CAPN9: variants seen among roughly 807,000 people sequenced by gnomAD.
CAPN9 encodes the protein calpain 9, also known as calpain-9.
CAPN9 carries 81 observed loss-of-function variants against 92.8 expected under a neutral mutation model. The ratio of observed to expected loss-of-function variants is 0.87; its 90% CI spans 0.73 to 1.05. The LOEUF is 1.05. Among genes scored for constraint, CAPN9 ranks in the 50% least tolerant of loss-of-function variants. The pLI is 0.00. For missense variants in CAPN9, 848 were observed against 866.2 expected, an observed-to-expected ratio of 0.98 and a Z score of 0.26; for synonymous variants, 304 against 328.0, an observed-to-expected ratio of 0.93 and a Z score of 0.79.
At chr1:230,786,905 G>A (rs554996029) in intron 12 of CAPN9, among the ~76,000 whole-genome samples, 17 of 151,670 alleles carry the variant, frequency 1.1e-4, no homozygotes, top group Admixed American at 3.9e-4. Flanking sequence ...CTTTACCCTC[G>A]TCCAAGGGCT....
At chr1:230,796,965 A>C (rs1011021041) in intron 18 of CAPN9, among the ~76,000 whole-genome samples, 1 of 152,178 alleles carries the variant, frequency 6.6e-6, no homozygotes, top group African/African-American at 2.4e-5. Context: ...CTGCAGTATT[A>C]TTTTAACTTT....
At chr1:230,748,829 C>T (rs150247044) in intron 1 of CAPN9, among the ~76,000 whole-genome samples, 32 of 152,154 alleles carry the variant, frequency 2.1e-4, no homozygotes, top group African/African-American at 6.7e-4. Context: ...TTTTTTTTAA[C>T]GCACATTCAC....
intron 19 of CAPN9, among the ~76,000 whole-genome samples, chr1:230,800,468 G>A (rs1668662179): frequency 6.6e-6 from 1 of 152,138 alleles, no homozygotes; most frequent in Admixed American, 6.5e-5. Flanking sequence ...CCCCTGGCTA[G>A]TCAAAGGCTC....
intron 11 of CAPN9, 69 bp from the exon 12 acceptor site, chr1:230,785,912 C>A: frequency 6.8e-7 from 1 of 1,461,850 alleles, no homozygotes; most frequent in Non-Finnish European, 9.6e-7. Context: ...GCTCTGGGCT[C>A]TTCAGCTCTG....
chr1:230,779,092 G>T lies in CAPN9; in HGVS notation c.1073G>T (p.Trp358Leu), dbSNP rs750599570. The change falls in exon 9 of 20, where the codon TGG (tryptophan) becomes TTG (leucine). Residue 358 changes from tryptophan to leucine, a missense_variant. By Grantham distance (61) the Trp-to-Leu change is moderately conservative. Transcript: ENST00000271971. ...KWEVTVHQGS[W>L]VRGSTAGGCR... ...GAGGTGACGGTCCATCAGGGAAGCTGGGTTCGCGGCTCCACGGCTGGGGGC... is the reference window on the plus strand; with the variant it reads ...GAGGTGACGGTCCATCAGGGAAGCTTGGTTCGCGGCTCCACGGCTGGGGGC... 6.2e-7 allele frequency: 1 copy of T among 1,613,002 alleles called. No individual in the cohort carries two copies. The highest frequency in any genetic ancestry group is 2.2e-5 in the East Asian group (1 of 44,866).
chr1:230,751,672 AAAGAAAGAAAGAAGG>A (rs1558080328), intron 1 of CAPN9, among the ~76,000 whole-genome samples: 42 of 43,588 alleles, frequency 9.6e-4, no homozygotes, highest in Non-Finnish European at 1.1e-3. Context: ...AGAAAGAAAG[AAAGAAAGAAAGAAGG>A]GTGGCTTTTC....
chr1:230,754,121 C>T (rs1476564617), intron 1 of CAPN9, among the ~76,000 whole-genome samples: 2 of 134,558 alleles, frequency 1.5e-5, no homozygotes, highest in East Asian at 5.0e-4. Context: ...GGGGGAGGGG[C>T]GGGGCAGGAG....
At chr1:230,766,155 G>T (rs866128416) in intron 4 of CAPN9, among the ~76,000 whole-genome samples, 3 of 152,026 alleles carry the variant, frequency 2.0e-5, no homozygotes, top group Non-Finnish European at 4.4e-5. Context: ...GAGTGCAGTG[G>T]CACCGTAATA....
In CAPN9 at chr1:230,774,427, G is replaced by C. The variant is rs1287639243; in HGVS notation, c.876-127G>C. On this transcript the variant is annotated intron_variant, in intron 7 of 19. Coordinates refer to ENST00000271971, the MANE Select transcript of CAPN9 (RefSeq NM_006615.3). ...CGCTACATCCCTGGGTGCATTTTTGGGACCCAGTGAGTAGTTACTAAGCAG... is the reference window on the plus strand; with the variant it reads ...CGCTACATCCCTGGGTGCATTTTTGCGACCCAGTGAGTAGTTACTAAGCAG... 7.4e-6 allele frequency: 5 copies of C among 673,808 alleles called. No homozygotes were observed. The Admixed American group carries it at 1.1e-4, about 15-fold the overall frequency. 41.7% of individuals were successfully genotyped at this position (673,808 alleles called of 1,614,324 possible).
intron 6 of CAPN9, among the ~76,000 whole-genome samples, chr1:230,769,612 CACACCTATCTAT>C (rs1298693048): frequency 6.7e-6 from 1 of 150,056 alleles, no homozygotes; most frequent in African/African-American, 2.5e-5. Context: ...TAAACACACA[CACACCTATCTAT>C]CTATCTATCT....
intron 15 of CAPN9, among the ~76,000 whole-genome samples, chr1:230,792,168 C>T (rs1239864159): frequency 6.6e-6 from 1 of 152,168 alleles, no homozygotes; most frequent in Non-Finnish European, 1.5e-5. Flanking sequence ...TGGGGGTCTT[C>T]TTGCCACTTT....
At chr1:230,763,272 AT>A (rs892934162) in intron 4 of CAPN9, among the ~76,000 whole-genome samples, 1 of 152,192 alleles carries the variant, frequency 6.6e-6, no homozygotes, top group African/African-American at 2.4e-5. Flanking sequence ...AAATTTTACC[AT>A]TTTTAAGTGT....
At position 230,792,191 on chromosome 1, in the gene CAPN9, A is replaced by G. The variant is rs191484592; in HGVS notation, c.1723-235A>G. On this transcript the variant is annotated intron_variant, in intron 15 of 19. Coordinates refer to ENST00000271971, the MANE Select transcript of CAPN9 (RefSeq NM_006615.3). ...TTCTTGCCACTTTGGGATCCCATCC[A>G]AGGGAACAGAGTTCTGTTTTTGTGA... Among the ~76,000 whole-genome samples, 373 of 151,526 alleles carry G rather than the reference A, an allele frequency of 2.5e-3. 4 individuals carry two copies. The highest frequency in any genetic ancestry group is 9.3e-4 in the Non-Finnish European group (63 of 67,808).
In CAPN9 at chr1:230,767,584, G is replaced by A. The variant is rs1449609220; in HGVS notation, c.580G>A (p.Glu194Lys). 8.1e-6 allele frequency: 13 copies of A among 1,613,326 alleles called. No homozygotes were observed. Among genetic ancestry groups the A allele is most frequent in the East Asian group, 2.2e-5 (1 of 44,862 alleles). The change falls in exon 5 of 20, where the codon GAG becomes AAG. Residue 194 changes from glutamate (E) to lysine (K), a missense_variant. Glu to Lys is a moderately conservative substitution (Grantham distance 56, BLOSUM62 1). Transcript: ENST00000271971. ...AGCTCTGAAGGGAGGCAGCGCCATC[G>A]AGGCCATGGAAGACTTCACTGGGGG... ...YEALKGGSAIEAMEDFTGGVA... is the reference protein window; with the variant it reads ...YEALKGGSAIKAMEDFTGGVA...
chr1:230,762,673 G>T lies in CAPN9; in HGVS notation c.423G>T (p.Trp141Cys), dbSNP rs1665716385. The change falls in exon 4 of 20, where the codon TGG (tryptophan) becomes TGT (cysteine). Residue 141 changes from tryptophan (W) to cysteine (C), a missense_variant. Transcript: ENST00000271971. ...AACAGTTCTGGCAGCACAGTGAGTG[G>T]CTGGACGTGGTGATCGATGACCGCC... ...FHFQFWQHSE[W>C]LDVVIDDRLP... The T allele has an allele frequency of 3.1e-6, 5 of 1,614,112 alleles. No homozygotes were observed. In the East Asian group the frequency reaches 6.7e-5, roughly 22 times the overall value.
chr1:230,757,476 A>G (rs1212928498), intron 2 of CAPN9, among the ~76,000 whole-genome samples: 2 of 152,160 alleles, frequency 1.3e-5, no homozygotes, highest in Admixed American at 1.3e-4. Flanking sequence ...GGTTGATTCT[A>G]AAGATTATTT....
At chr1:230,790,419 C>A in intron 14 of CAPN9, 1 of 534,682 alleles carries the variant, frequency 1.9e-6, no homozygotes, top group Non-Finnish European at 2.4e-6. Context: ...AAGATAGTCA[C>A]AAATGATCTC....
chr1:230,799,105 C>T (rs374953267), intron 19 of CAPN9, among the ~76,000 whole-genome samples: 15 of 152,216 alleles, frequency 9.9e-5, no homozygotes, highest in African/African-American at 3.6e-4. Context: ...GTGGCTCCTC[C>T]CCAGTCTCTG....
chr1:230,788,844 C>T (rs1181797133), intron 13 of CAPN9, among the ~76,000 whole-genome samples: 1 of 152,082 alleles, frequency 6.6e-6, no homozygotes, highest in Non-Finnish European at 1.5e-5. Context: ...GAGGTTCATG[C>T]GGGTGCGCAG....
Sources: allele counts gnomAD v4.1 joint callset (sites outside exome capture counted in the v4.1 genomes callset), GRCh38; gene constraint gnomAD v4.1.1; transcripts MANE v1.5; gene names NCBI Gene and HGNC (gene_info 2026-07-23, HGNC 2026-07-21).